The following SPMAP2L variants were observed in gnomAD, a reference collection of about 807,000 sequenced individuals.
SPMAP2L encodes sperm microtubule associated protein 2-like.
the SPMAP2L span, chr4:56,596,745 G>A: frequency 8.5e-7 from 1 of 1,177,080 alleles, no homozygotes; most frequent in Non-Finnish European, 1.1e-6. Flanking sequence ...TCTGGGAAGA[G>A]TGGTCTGTGG....
At chr4:56,586,434 C>T in the SPMAP2L span, among the ~76,000 whole-genome samples, 1 of 152,134 alleles carries the variant, frequency 6.6e-6, no homozygotes, top group South Asian at 2.1e-4. Flanking sequence ...ATTATGGGGG[C>T]TCCAGTCTCA....
chr4:56,588,020 G>A, the SPMAP2L span, among the ~76,000 whole-genome samples: 1 of 152,340 alleles, frequency 6.6e-6, no homozygotes, highest in South Asian at 2.1e-4. Context: ...TCTTGCAGGA[G>A]TAAGCTGGTA....
the SPMAP2L span, among the ~76,000 whole-genome samples, chr4:56,571,490 T>G: frequency 6.6e-6 from 1 of 151,786 alleles, no homozygotes; most frequent in East Asian, 1.9e-4. Context: ...TTGTTTTGGA[T>G]TTTTTTGGTA....
the SPMAP2L span, among the ~76,000 whole-genome samples, chr4:56,597,689 A>T: frequency 6.6e-6 from 1 of 152,120 alleles, no homozygotes; most frequent in Non-Finnish European, 1.5e-5. Flanking sequence ...AATTGCTAGG[A>T]TTGTTTGGGT....
chr4:56,618,909 G>A, the SPMAP2L span, among the ~76,000 whole-genome samples: 1 of 152,288 alleles, frequency 6.6e-6, no homozygotes, highest in East Asian at 1.9e-4. Context: ...GTGCAGGAGG[G>A]CCATATGTCC....
chr4:56,611,978 G>T, the SPMAP2L span, among the ~76,000 whole-genome samples: 8 of 152,164 alleles, frequency 5.3e-5, no homozygotes, highest in Non-Finnish European at 1.2e-4. Flanking sequence ...TCAAATGCAA[G>T]TGTCTCCCTT....
the SPMAP2L span, among the ~76,000 whole-genome samples, chr4:56,606,900 T>C: frequency 6.6e-6 from 1 of 152,140 alleles, no homozygotes; most frequent in Non-Finnish European, 1.5e-5. Flanking sequence ...TAGGAGGTTA[T>C]TTAGTACGTC....
the SPMAP2L span, among the ~76,000 whole-genome samples, chr4:56,543,130 C>CT: frequency 6.6e-6 from 1 of 150,662 alleles, no homozygotes; most frequent in African/African-American, 2.4e-5. Context: ...AGTCTCCAGG[C>CT]TGGAGTGCAG....
chr4:56,541,037 T>C, the SPMAP2L span, among the ~76,000 whole-genome samples: 9 of 152,362 alleles, frequency 5.9e-5, no homozygotes, highest in African/African-American at 2.2e-4. Context: ...AGGAAACTTG[T>C]GATTTACTTT....
chr4:56,606,600 AT>A, the SPMAP2L span, among the ~76,000 whole-genome samples: 3 of 152,096 alleles, frequency 2.0e-5, no homozygotes, highest in African/African-American at 7.2e-5. Flanking sequence ...CTTCCAGTAA[AT>A]CCCCTGAGGC....
At chr4:56,617,159 G>GTACA in the SPMAP2L span, among the ~76,000 whole-genome samples, 2 of 152,176 alleles carry the variant, frequency 1.3e-5, no homozygotes, top group African/African-American at 4.8e-5. Context: ...AACCTAGGTG[G>GTACA]TACAGCCTGT....
the SPMAP2L span, among the ~76,000 whole-genome samples, chr4:56,609,256 T>G: frequency 6.6e-6 from 1 of 152,114 alleles, no homozygotes. Context: ...TTGGCCAGAC[T>G]GGTCTCGAAC....
the SPMAP2L span, among the ~76,000 whole-genome samples, chr4:56,547,301 G>A: frequency 1.3e-5 from 2 of 148,808 alleles, no homozygotes; most frequent in African/African-American, 2.5e-5. Context: ...GCTGAAGTGC[G>A]GTGGTGCAAT....
chr4:56,598,944 C>T, the SPMAP2L span, among the ~76,000 whole-genome samples: 3 of 152,124 alleles, frequency 2.0e-5, no homozygotes, highest in East Asian at 5.8e-4. Context: ...TTATAAGGGG[C>T]TTCCCCCTTC....
At chr4:56,596,041 C>CA in the SPMAP2L span, among the ~76,000 whole-genome samples, 1 of 152,150 alleles carries the variant, frequency 6.6e-6, no homozygotes, top group Non-Finnish European at 1.5e-5. Flanking sequence ...AGAAGCTATC[C>CA]AGGAGACTTA....
chr4:56,590,180 T>G, the SPMAP2L span, among the ~76,000 whole-genome samples: 1 of 152,176 alleles, frequency 6.6e-6, no homozygotes, highest in Admixed American at 6.5e-5. Flanking sequence ...CATTGTTATG[T>G]CCCTTGTATT....
the SPMAP2L span, chr4:56,575,674 A>C: frequency 3.3e-6 from 5 of 1,527,836 alleles, no homozygotes; most frequent in East Asian, 1.2e-4. Flanking sequence ...TGTAAATCCT[A>C]ATCTAATTTG....
At chr4:56,550,843 C>T in the SPMAP2L span, among the ~76,000 whole-genome samples, 14 of 151,950 alleles carry the variant, frequency 9.2e-5, no homozygotes, top group African/African-American at 2.9e-4. Flanking sequence ...GTATGGTGTC[C>T]GTAGTCCCAG....
the SPMAP2L span, among the ~76,000 whole-genome samples, chr4:56,536,376 T>C: frequency 1.3e-5 from 2 of 152,246 alleles, no homozygotes; most frequent in Non-Finnish European, 2.9e-5. Flanking sequence ...GCCAGGGCAC[T>C]CTTGTTTCAA....
Sources: allele counts gnomAD v4.1 joint callset (sites outside exome capture counted in the v4.1 genomes callset), GRCh38; gene constraint gnomAD v4.1.1; transcripts MANE v1.5; gene names NCBI Gene and HGNC (gene_info 2026-07-23, HGNC 2026-07-21).